The following NUMB variants were observed in gnomAD, a reference collection of about 807,000 sequenced individuals.
NUMB encodes NUMB endocytic adaptor protein.
A neutral mutation model predicts 59.7 loss-of-function variants in NUMB; 29 were observed. The ratio of observed to expected loss-of-function variants is 0.49; its 90% CI spans 0.36 to 0.66. The LOEUF is 0.66. Among genes scored for constraint, NUMB ranks in the 30% least tolerant of loss-of-function variants. The probability of loss-of-function intolerance (pLI) is 0.00; values close to 1 mark genes in which losing one functional copy is unlikely to be tolerated. For synonymous variants in NUMB, 288 were observed against 288.2 expected (o/e 1.00, Z 0.01); for missense variants, 723 against 822.0 (o/e 0.88, Z 1.47).
intron 2 of NUMB, among the ~76,000 whole-genome samples, chr14:73,368,228 A>T (rs551419463): frequency 6.6e-6 from 1 of 152,310 alleles, no homozygotes; most frequent in African/African-American, 2.4e-5. Context: ...TTTGATGTAC[A>T]AAGAAAATTA....
Position 73,436,535 on chromosome 14 carries a change from G to A in NUMB, c.-233+21958C>T, listed in dbSNP as rs1285914256. On this transcript the variant is annotated intron_variant, in intron 1 of 12. Transcript: ENST00000555238. ...CGGTTTCACCATGTTGGCCAGGCTC[G>A]TCTTGAACTCCTAATCTCATGATCC... 3.9e-5 allele frequency among the ~76,000 whole-genome samples: 6 copies of A among 152,116 alleles called. No individual in the cohort carries two copies. The East Asian group carries it at 1.2e-3, about 29-fold the overall frequency.
chr14:73,407,949 C>T (rs1038062165), intron 2 of NUMB, among the ~76,000 whole-genome samples: 5 of 152,110 alleles, frequency 3.3e-5, no homozygotes, highest in African/African-American at 9.7e-5. Context: ...AAAACTTGGC[C>T]GGGCGTGGTG....
intron 11 of NUMB, among the ~76,000 whole-genome samples, chr14:73,279,689 A>G (rs941408613): frequency 6.6e-6 from 1 of 152,252 alleles, no homozygotes; most frequent in Non-Finnish European, 1.5e-5. Flanking sequence ...GAGTGGGGAA[A>G]TGAAACCTAC....
intron 1 of NUMB, among the ~76,000 whole-genome samples, chr14:73,431,201 C>T (rs1897812555): frequency 1.3e-5 from 2 of 151,362 alleles, no homozygotes; most frequent in Non-Finnish European, 2.9e-5. Flanking sequence ...GTGATCCACC[C>T]GCCTTGGCCT....
In NUMB at chr14:73,348,356, G is replaced by A. The variant is rs948621272; in HGVS notation, c.126+7270C>T. 5.3e-5 allele frequency among the ~76,000 whole-genome samples: 8 copies of A among 152,148 alleles called. No homozygotes were observed. The South Asian group carries it at 6.2e-4, about 12-fold the overall frequency. ...CCATTTGGAAAGGACAAAACAAAAC[G>A]CACTCTAAATAAGCTGCCCTCCCTG... On this transcript the variant is annotated intron_variant, in intron 4 of 12. Coordinates refer to ENST00000555238, the MANE Select transcript of NUMB (RefSeq NM_001005743.2).
chr14:73,398,560 C>G (rs1470207594), intron 2 of NUMB, among the ~76,000 whole-genome samples: 48 of 150,944 alleles, frequency 3.2e-4, no homozygotes, highest in Admixed American at 3.2e-3. Flanking sequence ...AAAATATCTA[C>G]AGCAAATATA....
At chr14:73,279,560 C>T in intron 11 of NUMB, 136 bp from the exon 12 acceptor site, 2 of 751,940 alleles carry the variant, frequency 2.7e-6, no homozygotes, top group Non-Finnish European at 2.0e-6. Context: ...TTTGGGAAAA[C>T]CATGATATCT....
At chr14:73,409,812 A>AT (rs1225419314) in intron 2 of NUMB, 125 bp downstream of exon 2, 2 of 152,202 alleles carry the variant, frequency 1.3e-5, no homozygotes, top group Non-Finnish European at 2.9e-5. Context: ...ATTCCAAGTG[A>AT]TTTTACCAGG....
chr14:73,408,604 G>A (rs144746579), intron 2 of NUMB, among the ~76,000 whole-genome samples: 5 of 152,110 alleles, frequency 3.3e-5, no homozygotes, highest in African/African-American at 7.2e-5. Flanking sequence ...CAGGCTGGAC[G>A]CGGTGGCTCA....
At chr14:73,290,925 T>C (rs1401365070) in intron 8 of NUMB, among the ~76,000 whole-genome samples, 1 of 152,190 alleles carries the variant, frequency 6.6e-6, no homozygotes, top group African/African-American at 2.4e-5. Flanking sequence ...AGTAAAATCA[T>C]TGTCATTTAA....
chr14:73,354,299 A>G (rs1893646048), intron 4 of NUMB, among the ~76,000 whole-genome samples: 1 of 152,192 alleles, frequency 6.6e-6, no homozygotes, highest in South Asian at 2.1e-4. Context: ...ACTTGAGGTC[A>G]GGAGTTCAAG....
At chr14:73,278,777 G>A (rs1462866927) in intron 12 of NUMB, among the ~76,000 whole-genome samples, 1 of 139,978 alleles carries the variant, frequency 7.1e-6, no homozygotes, top group African/African-American at 2.6e-5. Context: ...GCCCAGGCTG[G>A]AGTGCAGTGG....
chr14:73,300,796 T>G (rs1033648742), intron 6 of NUMB, among the ~76,000 whole-genome samples: 3 of 152,026 alleles, frequency 2.0e-5, no homozygotes, highest in Admixed American at 2.0e-4. Context: ...CTAATGCTAT[T>G]CCTCCCCCCT....
At chr14:73,441,188 G>T (rs1313500416) in intron 1 of NUMB, among the ~76,000 whole-genome samples, 1 of 152,048 alleles carries the variant, frequency 6.6e-6, no homozygotes, top group African/African-American at 2.4e-5. Context: ...ATAGACAAAT[G>T]GCCAATAAGC....
At chr14:73,400,754 G>A (rs149776684) in intron 2 of NUMB, among the ~76,000 whole-genome samples, 3 of 152,306 alleles carry the variant, frequency 2.0e-5, no homozygotes, top group East Asian at 1.9e-4. Flanking sequence ...ATAAAAACCC[G>A]AAAGGACAGG....
intron 7 of NUMB, among the ~76,000 whole-genome samples, chr14:73,295,265 G>A (rs1050708435): frequency 1.3e-5 from 2 of 152,016 alleles, no homozygotes; most frequent in African/African-American, 2.4e-5. Flanking sequence ...ATTAGTTCCC[G>A]CTTATAGTGA....
At chr14:73,283,365 C>T (rs1318576554) in intron 10 of NUMB, among the ~76,000 whole-genome samples, 1 of 152,202 alleles carries the variant, frequency 6.6e-6, no homozygotes, top group Non-Finnish European at 1.5e-5. Context: ...CCTATTGAGA[C>T]AGTTTCCTCA....
At chr14:73,349,613 C>T (rs1353709563) in intron 4 of NUMB, among the ~76,000 whole-genome samples, 1 of 149,046 alleles carries the variant, frequency 6.7e-6, no homozygotes, top group African/African-American at 2.5e-5. Context: ...GGCGCGGTGG[C>T]TCACACCTGT....
intron 2 of NUMB, among the ~76,000 whole-genome samples, chr14:73,406,455 T>C (rs1361953036): frequency 1.3e-5 from 2 of 152,144 alleles, no homozygotes; most frequent in East Asian, 3.8e-4. Flanking sequence ...TAGTATTCCA[T>C]GGTGTCTATG....
Sources: allele counts gnomAD v4.1 joint callset (sites outside exome capture counted in the v4.1 genomes callset), GRCh38; gene constraint gnomAD v4.1.1; transcripts MANE v1.5; gene names NCBI Gene and HGNC (gene_info 2026-07-23, HGNC 2026-07-21).